Variants in CELF1 observed in about 807,000 individuals in gnomAD.
CELF1 encodes CUGBP Elav-like family member 1, also known as 50 kDa nuclear polyadenylated RNA-binding protein.
A neutral mutation model predicts 61.8 loss-of-function variants in CELF1; 10 were observed. That is an observed-to-expected ratio of 0.16 (90% CI 0.10 to 0.27). The LOEUF is 0.27. CELF1 is among the 10% of genes least tolerant of loss of function. The pLI is 1.00. For synonymous variants in CELF1, 236 were observed against 225.1 expected, an observed-to-expected ratio of 1.05 and a Z score of -0.43; for missense variants, 380 against 639.1, an observed-to-expected ratio of 0.59 and a Z score of 4.37.
intron 1 of CELF1, among the ~76,000 whole-genome samples, chr11:47,527,562 T>G (rs1044715460): frequency 2.6e-5 from 4 of 151,862 alleles, no homozygotes; most frequent in Non-Finnish European, 5.9e-5. Flanking sequence ...TCTACAAAAC[T>G]TAAAAAAAAA....
At chr11:47,495,624 A>C (rs2092944285) in intron 3 of CELF1, among the ~76,000 whole-genome samples, 1 of 152,170 alleles carries the variant, frequency 6.6e-6, no homozygotes, top group Non-Finnish European at 1.5e-5. Context: ...CCAAAGTTAT[A>C]AGGTAGTTAA....
chr11:47,547,090 A>AAAAAG (rs2096978675), intron 1 of CELF1, among the ~76,000 whole-genome samples: 1 of 145,538 alleles, frequency 6.9e-6, no homozygotes, highest in Non-Finnish European at 1.5e-5. Context: ...AAAAAAAAAA[A>AAAAAG]AAAGAAAGAA....
At position 47,507,413 on chromosome 11, in the gene CELF1, A is replaced by G. The variant is rs117575420; in HGVS notation, c.-153-6481T>C. On this transcript the variant is annotated intron_variant, in intron 1 of 14. Transcript: ENST00000687097. Reference sequence around the variant, plus strand: ...CTACAAAAGCAACCACGTTCCTGCCACTGTAAATGCATCTTGGTGGCCCTA... The same window carrying G: ...CTACAAAAGCAACCACGTTCCTGCCGCTGTAAATGCATCTTGGTGGCCCTA... 1.3e-3 allele frequency among the ~76,000 whole-genome samples: 199 copies of G among 152,178 alleles called. 8 individuals are homozygous for G. In the East Asian group the frequency reaches 0.036, roughly 27 times the overall value.
intron 1 of CELF1, among the ~76,000 whole-genome samples, chr11:47,511,331 G>C (rs1299195144): frequency 4.6e-5 from 2 of 43,298 alleles, no homozygotes; most frequent in Non-Finnish European, 1.0e-4. Flanking sequence ...CCAACTGTCA[G>C]TCTCTCTTGG....
upstream of CELF1, chr11:47,565,525 A>G (rs2097242159): frequency 2.9e-6 from 3 of 1,043,424 alleles, no homozygotes; most frequent in African/African-American, 5.0e-5. Context: ...CGAGAGGCCT[A>G]GTGCAGCTGG....
upstream of CELF1, among the ~76,000 whole-genome samples, chr11:47,555,876 T>C (rs2097204395): frequency 6.6e-6 from 1 of 151,574 alleles, no homozygotes; most frequent in African/African-American, 2.4e-5. Context: ...GGCGGGTGCC[T>C]GTAATCCCAG....
intron 1 of CELF1, among the ~76,000 whole-genome samples, chr11:47,502,680 A>G (rs2094063197): frequency 6.6e-6 from 1 of 152,078 alleles, no homozygotes; most frequent in Non-Finnish European, 1.5e-5. Flanking sequence ...AAAATACAAA[A>G]AATTAGCTGG....
In CELF1 at chr11:47,475,507, T is replaced by G; in HGVS notation, c.1102A>C (p.Asn368His). ...AGGCCACTGCTGCCCAGGCCACCAT[T>G]TAAAGCAGCCATTCCTTGGTTGGAG... is the stretch of plus-strand genomic sequence containing the variant. ...VGSLAGMAAL[N>H]GGLGSSGLSN... Residue 368 changes from asparagine to histidine, a missense_variant, in exon 13 of 15, where the codon AAT (asparagine) becomes CAT (histidine). By Grantham distance (68) the Asn-to-His change is moderately conservative. Coordinates refer to ENST00000687097, the MANE Select transcript of CELF1 (RefSeq NM_001376376.1). The G allele has an allele frequency of 6.2e-7, 1 of 1,613,914 alleles. No individual in the cohort carries two copies.
At position 47,495,499 on chromosome 11, in the gene CELF1, G is replaced by A. The variant is rs555829775; in HGVS notation, c.71+3954C>T. ...TAGTGGAAATGGTTACACAACTCTG[G>A]AATATACTAAAAATCACTGAATTGC... On this transcript the variant is annotated intron_variant, in intron 3 of 14. Coordinates refer to ENST00000687097, the MANE Select transcript of CELF1 (RefSeq NM_001376376.1). Among the ~76,000 whole-genome samples, 291 of 152,238 alleles carry A rather than the reference G, an allele frequency of 1.9e-3. 1 individual carries two copies. Among genetic ancestry groups the A allele is most frequent in the Middle Eastern group, 0.014 (4 of 294 alleles).
chr11:47,520,310 C>G (rs1444395607), intron 1 of CELF1, among the ~76,000 whole-genome samples: 2 of 151,980 alleles, frequency 1.3e-5, no homozygotes, highest in Non-Finnish European at 2.9e-5. Flanking sequence ...GTCCATGATA[C>G]AATACATTTT....
At chr11:47,509,232 T>C (rs1486568053) in intron 1 of CELF1, among the ~76,000 whole-genome samples, 1 of 152,204 alleles carries the variant, frequency 6.6e-6, no homozygotes, top group Non-Finnish European at 1.5e-5. Context: ...TTCATTTCTG[T>C]GGGGAACCAA....
intron 13 of CELF1, 134 bp from the exon 14 acceptor site, chr11:47,473,365 C>T (rs1565734384): frequency 1.2e-6 from 1 of 806,656 alleles, no homozygotes; most frequent in Non-Finnish European, 1.9e-6. Context: ...GGGAACTAAA[C>T]AGATTCTCTA....
upstream of CELF1, among the ~76,000 whole-genome samples, chr11:47,554,848 G>T: frequency 6.6e-6 from 1 of 152,032 alleles, no homozygotes; most frequent in East Asian, 1.9e-4. Context: ...TTTTAGTGGA[G>T]ACGGGGTTTC....
intron 1 of CELF1, among the ~76,000 whole-genome samples, chr11:47,504,773 G>A (rs1227629477): frequency 1.3e-5 from 2 of 149,670 alleles, no homozygotes; most frequent in East Asian, 1.9e-4. Flanking sequence ...GTGGTGGCAG[G>A]TGCCTGTAGT....
chr11:47,530,533 TAG>T (rs1315276557), intron 1 of CELF1, among the ~76,000 whole-genome samples: 2 of 152,238 alleles, frequency 1.3e-5, no homozygotes, highest in East Asian at 1.9e-4. Context: ...CACGGCAGTC[TAG>T]AGAGGATGAT....
At chr11:47,552,588 A>G (rs1004633855) in intron 1 of CELF1, among the ~76,000 whole-genome samples, 2 of 152,230 alleles carry the variant, frequency 1.3e-5, no homozygotes, top group Non-Finnish European at 2.9e-5. Flanking sequence ...GTGAGACGAC[A>G]GGGGCAGAGA....
At chr11:47,541,239 T>C (rs2096765753) in intron 1 of CELF1, among the ~76,000 whole-genome samples, 1 of 152,170 alleles carries the variant, frequency 6.6e-6, no homozygotes, top group Admixed American at 6.5e-5. Context: ...AGACTATTAG[T>C]CACCTCACAT....
intron 7 of CELF1, among the ~76,000 whole-genome samples, 184 bp from the exon 8 acceptor site, chr11:47,483,716 CAG>C (rs2084869517): frequency 6.7e-6 from 1 of 150,182 alleles, no homozygotes; most frequent in Middle Eastern, 3.2e-3. Flanking sequence ...GAACCACTGA[CAG>C]AAAAAAAAAA....
chr11:47,491,911 A>G (rs1422023582), intron 3 of CELF1, among the ~76,000 whole-genome samples: 1 of 152,268 alleles, frequency 6.6e-6, no homozygotes, highest in Non-Finnish European at 1.5e-5. Context: ...AGTGCTATGC[A>G]CAAAAACAGC....
Sources: allele counts gnomAD v4.1 joint callset (sites outside exome capture counted in the v4.1 genomes callset), GRCh38; gene constraint gnomAD v4.1.1; transcripts MANE v1.5; gene names NCBI Gene and HGNC (gene_info 2026-07-23, HGNC 2026-07-21).